The following DCAF13 variants were observed in gnomAD, a reference collection of about 807,000 sequenced individuals.
The protein encoded by DCAF13 is DDB1 and CUL4 associated factor 13, also known as DDB1- and CUL4-associated factor 13.
DCAF13 carries 38 observed loss-of-function variants against 59.0 expected under a neutral mutation model. That is an observed-to-expected ratio of 0.64 (90% CI 0.50 to 0.84). The LOEUF is 0.84. DCAF13 is among the 40% of genes least tolerant of loss of function. The probability of loss-of-function intolerance (pLI) is 0.00; values close to 1 mark genes in which losing one functional copy is unlikely to be tolerated. For missense variants in DCAF13, 469 were observed against 558.4 expected, an observed-to-expected ratio of 0.84 and a Z score of 1.61; for synonymous variants, 173 against 175.0, an observed-to-expected ratio of 0.99 and a Z score of 0.09.
intron 6 of DCAF13, among the ~76,000 whole-genome samples, chr8:103,431,226 A>G (rs192825533): frequency 1.3e-5 from 2 of 152,328 alleles, no homozygotes; most frequent in Admixed American, 6.5e-5. Flanking sequence ...CAGGACTTAC[A>G]TATCAGAGCT....
In DCAF13 at chr8:103,415,391, G is replaced by A. The variant is rs765729504; in HGVS notation, c.-56G>A. ...GAAGTCGCCTGTGGGAGGAGGTGGC[G>A]GTGGGCGGAACTCCTAGCGGACACC... On this transcript the variant is annotated 5_prime_UTR_variant, in exon 1 of 11. Transcript: ENST00000612750. The A allele has an allele frequency of 5.6e-6, 9 of 1,614,192 alleles. No homozygotes were observed. In the Admixed American group the frequency reaches 8.3e-5, roughly 15 times the overall value.
intron 9 of DCAF13, 72 bp from the exon 10 acceptor site, chr8:103,441,383 T>G: frequency 1.4e-6 from 2 of 1,408,824 alleles, no homozygotes; most frequent in Non-Finnish European, 1.9e-6. Context: ...GGGAAAAGGG[T>G]GCTTTCTAGC....
At chr8:103,435,848 T>G in intron 8 of DCAF13, 58 bp downstream of exon 8, 4 of 1,550,526 alleles carry the variant, frequency 2.6e-6, no homozygotes, top group Non-Finnish European at 3.5e-6. Context: ...TGGGGATGCA[T>G]TCTGAGAAAT....
chr8:103,430,725 G>A (rs1816852507), intron 6 of DCAF13, 36 bp downstream of exon 6: 2 of 1,453,600 alleles, frequency 1.4e-6, no homozygotes, highest in East Asian at 4.6e-5. Context: ...TTATACAGTT[G>A]GCATTATATA....
chr8:103,415,405 C>G lies in DCAF13; in HGVS notation c.-42C>G, dbSNP rs751653083. 2.5e-6 allele frequency: 4 copies of G among 1,613,988 alleles called. No individual in the cohort carries two copies. The highest frequency in any genetic ancestry group is 3.4e-6 in the Non-Finnish European group (4 of 1,180,018). ...GAGGAGGTGGCGGTGGGCGGAACTCCTAGCGGACACCTCGTGGAGTCCGGC... is the reference window on the plus strand; with the variant it reads ...GAGGAGGTGGCGGTGGGCGGAACTCGTAGCGGACACCTCGTGGAGTCCGGC... On this transcript the variant is annotated 5_prime_UTR_variant, in exon 1 of 11. Transcript: ENST00000612750.
chr8:103,437,804 A>G (rs1563506682), intron 8 of DCAF13, among the ~76,000 whole-genome samples: 1 of 152,188 alleles, frequency 6.6e-6, no homozygotes, highest in Non-Finnish European at 1.5e-5. Flanking sequence ...AATTTTGAGT[A>G]AATTTTTTAA....
intron 1 of DCAF13, among the ~76,000 whole-genome samples, chr8:103,418,843 TATATATATATATATATATATATA>T (rs1190061347): frequency 6.7e-4 from 11 of 16,382 alleles, no homozygotes; most frequent in African/African-American, 2.5e-3. Flanking sequence ...TATATATATA[TATATATATATATATATATATATA>T]TTTTTTTTTT....
At chr8:103,441,685 A>C (rs539381877) in intron 10 of DCAF13, 67 bp downstream of exon 10, 4 of 1,449,638 alleles carry the variant, frequency 2.8e-6, no homozygotes, top group South Asian at 2.5e-5. Context: ...CCAAAAACAA[A>C]GTTAACTGCC....
At chr8:103,432,590 A>G (rs1816880645) in intron 6 of DCAF13, 69 bp from the exon 7 acceptor site, 2 of 963,542 alleles carry the variant, frequency 2.1e-6, no homozygotes, top group Non-Finnish European at 3.3e-6. Context: ...TTTATGAAAT[A>G]TTTGCTTAAA....
chr8:103,440,057 T>G, intron 8 of DCAF13, 79 bp from the exon 9 acceptor site: 2 of 1,170,154 alleles, frequency 1.7e-6, no homozygotes, highest in Non-Finnish European at 2.3e-6. Flanking sequence ...AGAAATAGTA[T>G]CCTGATACTT....
chr8:103,417,206 G>A (rs1005386639), intron 1 of DCAF13, among the ~76,000 whole-genome samples: 1 of 152,232 alleles, frequency 6.6e-6, no homozygotes, highest in African/African-American at 2.4e-5. Flanking sequence ...TATGCAACCC[G>A]TCCCGTTAAT....
Position 103,432,735 on chromosome 8 carries a change from A to G in DCAF13, c.779A>G (p.Asp260Gly), listed in dbSNP as rs1351785577. The G allele has an allele frequency of 1.3e-6, 2 of 1,589,260 alleles. No individual in the cohort carries two copies. Among genetic ancestry groups the G allele is most frequent in the East Asian group, 4.5e-5 (2 of 44,602 alleles). ...EAFIFTAANEDYNLYTFDMRA... is the reference protein window; with the variant it reads ...EAFIFTAANEGYNLYTFDMRA... ...TTCATTTTTACAGCAGCAAATGAAGATTATAAGTAAGTTTCCCTCTTTTAA... is the reference window on the plus strand; with the variant it reads ...TTCATTTTTACAGCAGCAAATGAAGGTTATAAGTAAGTTTCCCTCTTTTAA... Residue 260 changes from aspartate to glycine, a missense_variant, in exon 7 of 11, where the codon GAT (aspartate) becomes GGT (glycine). Transcript: ENST00000612750.
At chr8:103,425,085 A>C (rs1816771178) in intron 3 of DCAF13, among the ~76,000 whole-genome samples, 1 of 152,128 alleles carries the variant, frequency 6.6e-6, no homozygotes, top group African/African-American at 2.4e-5. Flanking sequence ...TCCTTTTTGA[A>C]TTTGCTGTAA....
chr8:103,427,197 G>A lies in DCAF13; in HGVS notation c.569G>A (p.Cys190Tyr), dbSNP rs143548999. Residue 190 changes from cysteine to tyrosine, a missense_variant, in exon 5 of 11, where the codon TGT becomes TAT. Around this residue, in one of 3 missense-constraint regions of DCAF13, gnomAD observed 355 missense variants for 399.1 expected, o/e 0.89. Transcript: ENST00000612750. ...IWDEQRTNPICSMTWGFDSIS... is the reference protein window; with the variant it reads ...IWDEQRTNPIYSMTWGFDSIS... ...GATGAACAAAGAACTAATCCTATAT[G>A]TTCAATGACCTGGGGATTTGACAGT... is the stretch of plus-strand genomic sequence containing the variant. 1 of 1,613,584 alleles carries A rather than the reference G, an allele frequency of 6.2e-7. No homozygotes were observed. Among genetic ancestry groups the A allele is most frequent in the Non-Finnish European group, 8.5e-7 (1 of 1,179,706 alleles).
chr8:103,419,195 T>A (rs1388535602), intron 1 of DCAF13, among the ~76,000 whole-genome samples: 1 of 152,028 alleles, frequency 6.6e-6, no homozygotes, highest in Non-Finnish European at 1.5e-5. Flanking sequence ...TAAGCGTGAT[T>A]ATTAACCAAG....
chr8:103,436,359 A>G (rs934295592), intron 8 of DCAF13, among the ~76,000 whole-genome samples: 4 of 152,168 alleles, frequency 2.6e-5, no homozygotes, highest in East Asian at 1.9e-4. Flanking sequence ...TAAATTGTCA[A>G]GACCGTTCTC....
At chr8:103,442,669 C>A in intron 10 of DCAF13, 126 bp from the exon 11 acceptor site, 1 of 572,808 alleles carries the variant, frequency 1.7e-6, no homozygotes, top group Non-Finnish European at 3.0e-6. Flanking sequence ...TACCTATTGT[C>A]ATCGTGAAAA....
intron 1 of DCAF13, among the ~76,000 whole-genome samples, chr8:103,417,353 G>A (rs1454799730): frequency 6.7e-6 from 1 of 149,346 alleles, no homozygotes; most frequent in East Asian, 2.0e-4. Flanking sequence ...TAAAAAAAAA[G>A]ATCTTTGGCT....
Position 103,420,406 on chromosome 8 carries a change from C to T in DCAF13, c.213C>T (p.Cys71=). 6.2e-7 allele frequency: 1 copy of T among 1,614,066 alleles called. No homozygotes were observed. Among genetic ancestry groups the T allele is most frequent in the Non-Finnish European group, 8.5e-7 (1 of 1,179,994 alleles). Residue 71 remains cysteine (C), a synonymous_variant, in exon 2 of 11, where the codon TGC becomes TGT. Transcript: ENST00000612750. ...ATGGTCACCGTGATGGAGTCAATTG[C>T]TTGGCAAAGCATCCAGAGAAGCTGG... ...SLDGHRDGVN[C]LAKHPEKLAT...
Sources: allele counts gnomAD v4.1 joint callset (sites outside exome capture counted in the v4.1 genomes callset), GRCh38; gene constraint gnomAD v4.1.1; regional missense constraint gnomAD v4.1.1; transcripts MANE v1.5; gene names NCBI Gene and HGNC (gene_info 2026-07-23, HGNC 2026-07-21).